KSR1: variants seen among roughly 807,000 people sequenced by gnomAD.
KSR1 encodes the protein kinase suppressor of ras.
A neutral mutation model predicts 92.9 loss-of-function variants in KSR1; 35 were observed. That is an observed-to-expected ratio of 0.38 (90% CI 0.29 to 0.50). The LOEUF is 0.50. Ranked by LOEUF, KSR1 falls within the 20% of genes least tolerant of loss-of-function variation. The probability of loss-of-function intolerance (pLI) is 0.94; values close to 1 mark genes in which losing one functional copy is unlikely to be tolerated. For missense variants in KSR1, 972 were observed against 1,158.5 expected, an observed-to-expected ratio of 0.84 and a Z score of 2.34; for synonymous variants, 467 against 472.6, an observed-to-expected ratio of 0.99 and a Z score of 0.15.
chr17:27,607,876 GC>G (rs774497342), intron 14 of KSR1, 37 bp from the exon 15 acceptor site: 1 of 1,509,416 alleles, frequency 6.6e-7, no homozygotes, highest in Non-Finnish European at 9.1e-7. Flanking sequence ...GGCCGCACCA[GC>G]CCCAGACTTG....
chr17:27,619,536 T>C (rs1336733719), intron 19 of KSR1, among the ~76,000 whole-genome samples: 4 of 151,358 alleles, frequency 2.6e-5, no homozygotes, highest in Admixed American at 2.6e-4. Context: ...TAGCTGGGAC[T>C]ATAGGCGCAC....
intron 1 of KSR1, among the ~76,000 whole-genome samples, chr17:27,497,078 G>A (rs1406509923): frequency 2.6e-5 from 4 of 152,208 alleles, no homozygotes; most frequent in African/African-American, 4.8e-5. Context: ...AGGAGAATGC[G>A]GAGCTGCTCA....
chr17:27,513,349 G>T (rs2069671492), intron 1 of KSR1, among the ~76,000 whole-genome samples: 1 of 152,106 alleles, frequency 6.6e-6, no homozygotes, highest in African/African-American at 2.4e-5. Flanking sequence ...CTGACACTTT[G>T]GGAGTCTGAG....
At chr17:27,606,339 C>T (rs1053179117) in intron 14 of KSR1, among the ~76,000 whole-genome samples, 5 of 152,230 alleles carry the variant, frequency 3.3e-5, no homozygotes, top group Non-Finnish European at 7.3e-5. Context: ...TCTCCCACTG[C>T]AACTGAGCGC....
chr17:27,588,381 C>T (rs1363497571), intron 5 of KSR1, 94 bp from the exon 6 acceptor site: 1 of 1,091,300 alleles, frequency 9.2e-7, no homozygotes, highest in Non-Finnish European at 1.3e-6. Context: ...ATTGCGCCCC[C>T]CTCTAGCCTG....
rs2019161016 is a variant in KSR1 at position 27,456,452 on chromosome 17, C to T, written c.-192C>T. ...TCCGGGAGCCGCAGCCGTCGGGTCG[C>T]CGCGGCTTTCGCTTTGCTGCCGCGG... On this transcript the variant is annotated 5_prime_UTR_variant, in exon 1 of 21. Coordinates refer to ENST00000644974, the MANE Select transcript of KSR1 (RefSeq NM_001394583.1). The T allele has an allele frequency of 2.6e-6, 1 of 378,132 alleles. No individual in the cohort carries two copies. Among genetic ancestry groups the T allele is most frequent in the Non-Finnish European group, 4.6e-6 (1 of 215,380 alleles). The allele number at this position is 378,132 out of a possible 1,614,324, so 23.4% of individuals were successfully genotyped here.
chr17:27,592,437 T>C lies in KSR1; in HGVS notation c.1192+15T>C, dbSNP rs754627272. ...CTTCCTGCCACGTGAGTTTTCTGCC[T>C]TCCTCTCCTCTGCCTTCTGGATTTG... On this transcript the variant is annotated intron_variant, in intron 8 of 20. Transcript: ENST00000644974. The C allele has an allele frequency of 2.5e-5, 41 of 1,613,562 alleles. No homozygotes were observed. The highest frequency in any genetic ancestry group is 2.0e-4 in the African/African-American group (15 of 74,892).
intron 7 of KSR1, among the ~76,000 whole-genome samples, chr17:27,591,843 T>G (rs1184785964): frequency 6.6e-6 from 1 of 152,182 alleles, no homozygotes; most frequent in Non-Finnish European, 1.5e-5. Flanking sequence ...AATCTAAGAC[T>G]CAGTGCAGAA....
At chr17:27,521,332 TC>T (rs1307680738) in intron 1 of KSR1, among the ~76,000 whole-genome samples, 1 of 149,622 alleles carries the variant, frequency 6.7e-6, no homozygotes, top group African/African-American at 2.5e-5. Flanking sequence ...CAAAGGCCAT[TC>T]CTTTTTTTTT....
chr17:27,490,675 ACTG>A, intron 1 of KSR1, among the ~76,000 whole-genome samples: 1 of 152,314 alleles, frequency 6.6e-6, no homozygotes, highest in South Asian at 2.1e-4. Flanking sequence ...ACAAATAGGT[ACTG>A]CCTTTTTGGA....
chr17:27,613,630 T>C (rs1006602475), intron 18 of KSR1, among the ~76,000 whole-genome samples: 3 of 152,198 alleles, frequency 2.0e-5, no homozygotes, highest in Non-Finnish European at 4.4e-5. Context: ...CAAAAACATC[T>C]GTTGTAAACA....
chr17:27,519,839 C>T (rs2069949243), intron 1 of KSR1, among the ~76,000 whole-genome samples: 1 of 152,216 alleles, frequency 6.6e-6, no homozygotes, highest in African/African-American at 2.4e-5. Flanking sequence ...AATGTGGGCC[C>T]CACCACCTGA....
At chr17:27,515,900 G>A (rs2151010959) in intron 1 of KSR1, among the ~76,000 whole-genome samples, 1 of 152,134 alleles carries the variant, frequency 6.6e-6, no homozygotes, top group Admixed American at 6.5e-5. Context: ...AAAAGAATTT[G>A]CCTTTTTTTT....
At chr17:27,620,929 T>A (rs1475432263) in intron 19 of KSR1, 3 of 333,770 alleles carry the variant, frequency 9.0e-6, no homozygotes, top group Non-Finnish European at 1.6e-5. Flanking sequence ...CGGGCTTTCC[T>A]TTCCTGAATG....
At chr17:27,546,772 G>C (rs2071190528) in intron 1 of KSR1, among the ~76,000 whole-genome samples, 1 of 152,120 alleles carries the variant, frequency 6.6e-6, no homozygotes, top group Non-Finnish European at 1.5e-5. Context: ...GCCAGGATAG[G>C]GCACATGAGT....
At chr17:27,549,223 G>A (rs115532246) in intron 1 of KSR1, among the ~76,000 whole-genome samples, 1 of 152,232 alleles carries the variant, frequency 6.6e-6, no homozygotes, top group Non-Finnish European at 1.5e-5. Flanking sequence ...AGACTGTGAA[G>A]GTGGTACTTA....
intron 19 of KSR1, 61 bp downstream of exon 19, chr17:27,617,489 T>A (rs1481792459): frequency 6.4e-7 from 1 of 1,557,976 alleles, no homozygotes; most frequent in Non-Finnish European, 8.8e-7. Flanking sequence ...ACCTGGGGTC[T>A]TAGAGGGCAC....
chr17:27,528,099 T>C (rs188367003), intron 1 of KSR1, among the ~76,000 whole-genome samples: 5 of 152,306 alleles, frequency 3.3e-5, no homozygotes, highest in Admixed American at 3.3e-4. Flanking sequence ...GAAGTCTCAC[T>C]CTGTTGCCGA....
chr17:27,562,939 T>C (rs2071891708), intron 2 of KSR1, among the ~76,000 whole-genome samples: 1 of 152,196 alleles, frequency 6.6e-6, no homozygotes, highest in South Asian at 2.1e-4. Flanking sequence ...TTGACTTCTC[T>C]GAGCCTGCTT....
Sources: allele counts gnomAD v4.1 joint callset (sites outside exome capture counted in the v4.1 genomes callset), GRCh38; gene constraint gnomAD v4.1.1; transcripts MANE v1.5; gene names NCBI Gene and HGNC (gene_info 2026-07-23, HGNC 2026-07-21).